The following PTPRM variants were observed in gnomAD, a reference collection of about 807,000 sequenced individuals.
PTPRM encodes protein tyrosine phosphatase receptor type M, also known as receptor-type tyrosine-protein phosphatase mu.
A neutral mutation model predicts 186.7 loss-of-function variants in PTPRM; 47 were observed. The ratio of observed to expected loss-of-function variants is 0.25; its 90% CI spans 0.20 to 0.32. The LOEUF (loss-of-function observed/expected upper bound fraction) is 0.32. PTPRM is among the 10% of genes least tolerant of loss of function. The pLI is 1.00. For missense variants in PTPRM, 1,494 were observed against 1,865.0 expected (o/e 0.80, Z 3.66); for synonymous variants, 668 against 674.9 (o/e 0.99, Z 0.16).
chr18:8,323,609 G>A (rs1212159380), intron 22 of PTPRM, among the ~76,000 whole-genome samples: 4 of 152,054 alleles, frequency 2.6e-5, no homozygotes, highest in Admixed American at 2.0e-4. Context: ...AATTTGACAG[G>A]GTTGACTACC....
chr18:8,349,968 GC>G (rs1262816800), intron 23 of PTPRM, among the ~76,000 whole-genome samples: 1 of 152,164 alleles, frequency 6.6e-6, no homozygotes, highest in Non-Finnish European at 1.5e-5. Flanking sequence ...CAAAATGGAT[GC>G]CCCATTATCA....
intron 2 of PTPRM, among the ~76,000 whole-genome samples, chr18:7,778,927 A>C (rs2042723034): frequency 6.6e-6 from 1 of 152,224 alleles, no homozygotes; most frequent in Admixed American, 6.5e-5. Context: ...CACATAGATT[A>C]AGAAGCATTA....
At chr18:8,278,236 G>A (rs1353628037) in intron 19 of PTPRM, among the ~76,000 whole-genome samples, 1 of 152,152 alleles carries the variant, frequency 6.6e-6, no homozygotes, top group African/African-American at 2.4e-5. Flanking sequence ...GTTTATTTGG[G>A]GAGCAATGCA....
intron 7 of PTPRM, among the ~76,000 whole-genome samples, chr18:8,005,614 C>T (rs1317304105): frequency 1.3e-5 from 2 of 152,138 alleles, no homozygotes; most frequent in East Asian, 3.9e-4. Context: ...ATATCCAAGA[C>T]TCTTGGCCCC....
intron 14 of PTPRM, among the ~76,000 whole-genome samples, chr18:8,204,311 G>A (rs2093896740): frequency 1.3e-5 from 2 of 152,032 alleles, no homozygotes; most frequent in South Asian, 4.1e-4. Flanking sequence ...CTTTATGTGT[G>A]TGTGTTCAGT....
chr18:7,871,158 T>C (rs1371185278), intron 2 of PTPRM, among the ~76,000 whole-genome samples: 1 of 152,258 alleles, frequency 6.6e-6, no homozygotes, highest in Non-Finnish European at 1.5e-5. Flanking sequence ...CTGTTCCTCC[T>C]GTGGTTAAAT....
At chr18:7,712,718 A>C (rs1421651438) in intron 1 of PTPRM, among the ~76,000 whole-genome samples, 2 of 152,002 alleles carry the variant, frequency 1.3e-5, no homozygotes, top group Non-Finnish European at 2.9e-5. Flanking sequence ...AACTTCGTGA[A>C]GCATACACAA....
intron 1 of PTPRM, among the ~76,000 whole-genome samples, chr18:7,574,889 G>A (rs1453610836): frequency 1.3e-5 from 2 of 152,122 alleles, no homozygotes; most frequent in African/African-American, 4.8e-5. Flanking sequence ...AAAATTAGCC[G>A]GGCGTGTTGG....
chr18:8,070,142 C>A, intron 8 of PTPRM, 148 bp downstream of exon 8: 1 of 726,978 alleles, frequency 1.4e-6, no homozygotes, highest in Non-Finnish European at 2.2e-6. Context: ...TATTCTTAAG[C>A]GCTGATTGAA....
chr18:7,786,034 A>T lies in PTPRM; in HGVS notation c.196+11763A>T, dbSNP rs541667984. Among the ~76,000 whole-genome samples the T allele has an allele frequency of 1.4e-4, 22 of 152,330 alleles. No homozygotes were observed. The South Asian group carries it at 4.4e-3, about 30-fold the overall frequency. The stretch of plus-strand genomic sequence containing the variant: ...ATAATATGGGACTGAATACAGAAAA[A>T]ATCATACAGAATTTCTTGGCAGACT... On this transcript the variant is annotated intron_variant, in intron 2 of 32. Transcript: ENST00000580170.
Position 8,085,737 on chromosome 18 carries a change from T to C in PTPRM, c.1618T>C (p.Ser540Pro), listed in dbSNP as rs1460457037. ...TTTATCCAATCAGAGTGGAAGAGTT[T>C]CAAAGCTGGGAAATGAAACCCATTT... is the stretch of plus-strand genomic sequence containing the variant. ...IDLSNQSGRV[S>P]KLGNETHFLF... Residue 540 changes from serine (S) to proline (P), a missense_variant, in exon 10 of 33, where the codon TCA becomes CCA. Coordinates refer to ENST00000580170, the MANE Select transcript of PTPRM (RefSeq NM_001105244.2). 1 of 1,612,284 alleles carries C rather than the reference T, an allele frequency of 6.2e-7. No individual in the cohort carries two copies. The highest frequency in any genetic ancestry group is 1.7e-5 in the Admixed American group (1 of 59,960).
At chr18:7,834,419 G>A (rs2045916871) in intron 2 of PTPRM, among the ~76,000 whole-genome samples, 1 of 17,588 alleles carries the variant, frequency 5.7e-5, no homozygotes, top group African/African-American at 3.0e-4. Context: ...TATAATATAT[G>A]TATATGTAAA....
At chr18:7,965,568 G>T (rs1279067489) in intron 7 of PTPRM, among the ~76,000 whole-genome samples, 1 of 152,120 alleles carries the variant, frequency 6.6e-6, no homozygotes, top group African/African-American at 2.4e-5. Context: ...TTCACCATAG[G>T]GCTGCTTGTG....
intron 1 of PTPRM, among the ~76,000 whole-genome samples, chr18:7,713,717 G>A (rs1408496274): frequency 1.3e-5 from 2 of 151,134 alleles, no homozygotes; most frequent in Non-Finnish European, 1.5e-5. Context: ...AAAAAAAGGA[G>A]GGGTCGCAAT....
intron 19 of PTPRM, among the ~76,000 whole-genome samples, chr18:8,277,684 G>A (rs1220294602): frequency 6.6e-6 from 1 of 152,212 alleles, no homozygotes; most frequent in Non-Finnish European, 1.5e-5. Flanking sequence ...AATGAAGCTT[G>A]AAAATGAGCA....
At chr18:8,166,410 T>TTTATA (rs1459509326) in intron 14 of PTPRM, among the ~76,000 whole-genome samples, 2 of 152,136 alleles carry the variant, frequency 1.3e-5, no homozygotes, top group African/African-American at 2.4e-5. Context: ...ACCATATATG[T>TTTATA]TTATATTTAT....
At chr18:8,056,338 G>T (rs530605540) in intron 7 of PTPRM, among the ~76,000 whole-genome samples, 3 of 152,150 alleles carry the variant, frequency 2.0e-5, no homozygotes, top group Non-Finnish European at 4.4e-5. Context: ...ACTCATAATC[G>T]CACATTAGGG....
chr18:7,623,312 A>C (rs1404216433), intron 1 of PTPRM, among the ~76,000 whole-genome samples: 5 of 152,116 alleles, frequency 3.3e-5, no homozygotes, highest in Non-Finnish European at 7.4e-5. Flanking sequence ...TGTAGGAAAA[A>C]CTAGGAAATA....
In PTPRM at chr18:8,164,037, G is replaced by A. The variant is rs144551717; in HGVS notation, c.2300+20258G>A. Among the ~76,000 whole-genome samples, 908 of 152,284 alleles carry A rather than the reference G, an allele frequency of 6.0e-3. 5 individuals are homozygous for A. Among genetic ancestry groups the A allele is most frequent in the African/African-American group, 0.02 (833 of 41,570 alleles). Reference sequence around the variant, plus strand: ...TGCAAGTAACAATCTAGTTAAGCCAGGGTAAATGAAATAGCCATTATGAAA... The same window carrying A: ...TGCAAGTAACAATCTAGTTAAGCCAAGGTAAATGAAATAGCCATTATGAAA... On this transcript the variant is annotated intron_variant, in intron 14 of 32. Transcript: ENST00000580170.
Sources: allele counts gnomAD v4.1 joint callset (sites outside exome capture counted in the v4.1 genomes callset), GRCh38; gene constraint gnomAD v4.1.1; transcripts MANE v1.5; gene names NCBI Gene and HGNC (gene_info 2026-07-23, HGNC 2026-07-21).